The following SPAG1 variants were observed in gnomAD, a reference collection of about 807,000 sequenced individuals.
SPAG1 encodes the protein sperm associated antigen 1, also known as sperm-associated antigen 1.
In SPAG1, 69 loss-of-function variants were observed where a neutral mutation model predicts 100.5. The ratio of observed to expected loss-of-function variants is 0.69; its 90% CI spans 0.57 to 0.84. The LOEUF (loss-of-function observed/expected upper bound fraction) is 0.84, where lower values mean the gene tolerates loss of function less well. SPAG1 is among the 40% of genes least tolerant of loss of function. SPAG1 has a pLI of 0.00. For synonymous variants in SPAG1, 336 were observed against 411.6 expected, an observed-to-expected ratio of 0.82 and a Z score of 2.22; for missense variants, 955 against 1,133.1, an observed-to-expected ratio of 0.84 and a Z score of 2.26.
rs149618362 is a variant in SPAG1, at chr8:100,240,727, G to A, written c.2605G>A (p.Val869Met). 2 of 1,612,748 alleles carry A rather than the reference G, an allele frequency of 1.2e-6. No individual in the cohort carries two copies. Among genetic ancestry groups the A allele is most frequent in the Non-Finnish European group, 1.7e-6 (2 of 1,179,476 alleles). ...TCTTATTGAAAAAGATCCCTCATTG[G>A]TGTATCAGCATCTTTTATACCTGAG... is the stretch of plus-strand genomic sequence containing the variant. Reference protein sequence around the residue: ...NNLIEKDPSLVYQHLLYLSKA... With the variant: ...NNLIEKDPSLMYQHLLYLSKA... Residue 869 changes from valine (V) to methionine (M), a missense_variant, in exon 18 of 19, where the codon GTG (valine) becomes ATG (methionine). Physicochemically the swap from Val to Met is conservative, Grantham distance 21. Transcript: ENST00000388798.
intron 10 of SPAG1, 167 bp downstream of exon 10, chr8:100,194,435 A>T: frequency 1.1e-6 from 1 of 925,194 alleles, no homozygotes; most frequent in Non-Finnish European, 1.6e-6. Context: ...ACAGCTTGGT[A>T]GAATCTCTCA....
chr8:100,167,962 T>C (rs1208951284), intron 3 of SPAG1, among the ~76,000 whole-genome samples: 6 of 152,216 alleles, frequency 3.9e-5, no homozygotes, highest in Non-Finnish European at 8.8e-5. Context: ...GCTTTTGAGA[T>C]TCATCTGTGT....
chr8:100,208,765 G>A (rs1373300314), intron 10 of SPAG1, among the ~76,000 whole-genome samples: 2 of 152,114 alleles, frequency 1.3e-5, no homozygotes, highest in African/African-American at 4.8e-5. Flanking sequence ...TTATATTATA[G>A]TATTTGGGTT....
intron 10 of SPAG1, among the ~76,000 whole-genome samples, chr8:100,208,057 C>A (rs1451749270): frequency 2.6e-5 from 4 of 152,218 alleles, no homozygotes; most frequent in Non-Finnish European, 4.4e-5. Context: ...CACTCACCAT[C>A]ACCCCTAGCA....
rs537598638 is a variant in SPAG1, at chr8:100,217,791, CT to C, written c.1536-2479del. ...TCCTTTTTCGTTTTTCTTTTCTTTT[CT>C]TTTTTTTTGAGACAGAGTCTCACTC... On this transcript the variant is annotated intron_variant, in intron 12 of 18. Coordinates refer to ENST00000388798, the MANE Select transcript of SPAG1 (RefSeq NM_003114.5). Among the ~76,000 whole-genome samples, 802 of 150,874 alleles carry C rather than the reference CT, an allele frequency of 5.3e-3. 7 individuals are homozygous for C. The highest frequency in any genetic ancestry group is 0.018 in the African/African-American group (746 of 41,118).
chr8:100,240,150 A>AT (rs1418158313), intron 17 of SPAG1, among the ~76,000 whole-genome samples: 18 of 152,210 alleles, frequency 1.2e-4, no homozygotes, highest in Non-Finnish European at 7.3e-5. Flanking sequence ...TTATACAACA[A>AT]TTGTATAAAG....
intron 14 of SPAG1, among the ~76,000 whole-genome samples, chr8:100,226,724 CAT>C (rs1367100151): frequency 6.6e-6 from 1 of 151,862 alleles, no homozygotes; most frequent in African/African-American, 2.4e-5. Context: ...ATTTAAATAA[CAT>C]GTAGCTCTAC....
chr8:100,212,979 G>T, intron 10 of SPAG1, 111 bp from the exon 11 acceptor site: 1 of 869,798 alleles, frequency 1.1e-6, no homozygotes, highest in East Asian at 3.6e-5. Context: ...GCCCGAGCCG[G>T]CTTCCCTAGA....
rs751102434 is a variant in SPAG1 at position 100,240,950 on chromosome 8, C to A, written c.2709C>A (p.Asp903Glu). 6.2e-7 allele frequency: 1 copy of A among 1,611,456 alleles called. No individual in the cohort carries two copies. Among genetic ancestry groups the A allele is most frequent in the South Asian group, 1.1e-5 (1 of 90,968 alleles). The change falls in exon 19 of 19, where the codon GAC (aspartate) becomes GAA (glutamate). Residue 903 changes from aspartate (D) to glutamate (E), a missense_variant. Transcript: ENST00000388798. Reference sequence around the variant, plus strand: ...AGCTAATTGAACAGCTGTTTGAGGACCTTTCGGACACACCAAACAACCATT... The same window carrying A: ...AGCTAATTGAACAGCTGTTTGAGGAACTTTCGGACACACCAAACAACCATT... ...QKELIEQLFE[D>E]LSDTPNNHFT... is the part of the protein sequence containing the mutation.
At chr8:100,220,653 G>A (rs1284572360) in intron 13 of SPAG1, among the ~76,000 whole-genome samples, 1 of 151,822 alleles carries the variant, frequency 6.6e-6, no homozygotes, top group African/African-American at 2.4e-5. Context: ...CTTTGTATTT[G>A]TTTTCTGATC....
At chr8:100,169,510 G>C (rs532333109) in intron 3 of SPAG1, among the ~76,000 whole-genome samples, 6 of 152,176 alleles carry the variant, frequency 3.9e-5, no homozygotes, top group Non-Finnish European at 8.8e-5. Flanking sequence ...AGGCTGAGGC[G>C]GGTGGATCAC....
intron 3 of SPAG1, among the ~76,000 whole-genome samples, chr8:100,173,908 TG>T (rs1815990132): frequency 6.6e-6 from 1 of 152,294 alleles, no homozygotes; most frequent in African/African-American, 2.4e-5. Flanking sequence ...TTAACAAGAC[TG>T]AACTGTAGAC....
intron 16 of SPAG1, among the ~76,000 whole-genome samples, chr8:100,234,405 CT>C (rs1254357358): frequency 2.0e-5 from 3 of 152,120 alleles, no homozygotes; most frequent in Non-Finnish European, 4.4e-5. Flanking sequence ...CTCTGTGCCC[CT>C]GTACAATAAA....
intron 13 of SPAG1, among the ~76,000 whole-genome samples, chr8:100,223,014 A>T (rs1818351979): frequency 6.6e-6 from 1 of 152,172 alleles, no homozygotes; most frequent in East Asian, 1.9e-4. Context: ...AAATGGAATC[A>T]TATATGGCCT....
At chr8:100,164,849 C>CAAAA in intron 2 of SPAG1, among the ~76,000 whole-genome samples, 1 of 152,222 alleles carries the variant, frequency 6.6e-6, no homozygotes, top group African/African-American at 2.4e-5. Flanking sequence ...AATTACCATC[C>CAAAA]ATGATCCATA....
intron 12 of SPAG1, among the ~76,000 whole-genome samples, chr8:100,215,600 C>T (rs914876266): frequency 1.1e-4 from 16 of 152,238 alleles, no homozygotes; most frequent in Non-Finnish European, 1.9e-4. Flanking sequence ...TCTCGGCTCA[C>T]TGCAAGCTCC....
chr8:100,178,873 G>C (rs1816243052), intron 4 of SPAG1, among the ~76,000 whole-genome samples: 1 of 151,906 alleles, frequency 6.6e-6, no homozygotes, highest in African/African-American at 2.4e-5. Flanking sequence ...GAGGTGGATG[G>C]ATTGAGGCCA....
At chr8:100,208,096 T>C (rs1288174800) in intron 10 of SPAG1, among the ~76,000 whole-genome samples, 2 of 152,224 alleles carry the variant, frequency 1.3e-5, no homozygotes, top group Non-Finnish European at 2.9e-5. Context: ...TGCTTCCTGT[T>C]CTTGTGACAT....
intron 14 of SPAG1, among the ~76,000 whole-genome samples, chr8:100,227,841 A>ATT (rs34049816): frequency 0.52 from 53,978 of 103,556 alleles, 14,910 homozygotes; most frequent in African/African-American, 0.59. Context: ...ATTGTGTCAG[A>ATT]TTTTTTTTTT....
Sources: gnomAD v4.1 joint callset for allele counts (sites outside exome capture counted in the v4.1 genomes callset) on GRCh38, gnomAD v4.1.1 for gene constraint, MANE v1.5 for transcripts, NCBI Gene and HGNC (gene_info 2026-07-23, HGNC 2026-07-21) for gene names.